MYO16: variants seen among roughly 807,000 people sequenced by gnomAD.
MYO16 encodes unconventional myosin-XVI.
MYO16 carries 94 observed loss-of-function variants against 205.3 expected under a neutral mutation model. The observed-to-expected ratio is 0.46, with a 90% CI of 0.39 to 0.54. The LOEUF (loss-of-function observed/expected upper bound fraction) is 0.54, where lower values mean the gene tolerates loss of function less well. Ranked by LOEUF, MYO16 falls within the 20% of genes least tolerant of loss-of-function variation. MYO16 has a pLI of 0.00. For missense variants in MYO16, 2,315 were observed against 2,387.5 expected (o/e 0.97, Z 0.63); for synonymous variants, 988 against 954.0 (o/e 1.04, Z -0.66).
intron 27 of MYO16, among the ~76,000 whole-genome samples, chr13:109,072,125 T>G (rs546458961): frequency 3.9e-5 from 6 of 152,328 alleles, no homozygotes; most frequent in African/African-American, 1.4e-4. Flanking sequence ...GCTTCTGTGC[T>G]CTAGCTGTGT....
the MYO16 span, among the ~76,000 whole-genome samples, chr13:108,590,469 T>C: frequency 2.6e-5 from 4 of 152,196 alleles, no homozygotes; most frequent in Non-Finnish European, 5.9e-5. Context: ...ACATTTTGTG[T>C]TGAACTGTGT....
intron 17 of MYO16, among the ~76,000 whole-genome samples, chr13:108,958,266 T>C (rs1361786157): frequency 2.7e-5 from 4 of 148,874 alleles, no homozygotes; most frequent in African/African-American, 9.8e-5. Flanking sequence ...ATATATATTT[T>C]ATATATGTAT....
At chr13:108,726,567 AAAAAAG>A (rs3041980) in intron 3 of MYO16, among the ~76,000 whole-genome samples, 66,181 of 150,090 alleles carry the variant, frequency 0.44, 15,313 homozygotes, top group Non-Finnish European at 0.54. Flanking sequence ...CAAAAAAAAA[AAAAAAG>A]AAAAAGAAAA....
At chr13:108,519,672 G>GA in the MYO16 span, among the ~76,000 whole-genome samples, 9 of 139,236 alleles carry the variant, frequency 6.5e-5, no homozygotes, top group African/African-American at 2.7e-4. Context: ...CACCCCACCA[G>GA]AAAAAAATCA....
intron 34 of MYO16, among the ~76,000 whole-genome samples, chr13:109,188,880 G>A (rs1879795236): frequency 6.6e-6 from 1 of 152,116 alleles, no homozygotes; most frequent in Admixed American, 6.5e-5. Context: ...GATCACCTGA[G>A]GTCAGGAGTT....
At chr13:108,617,772 G>C (rs189030106) in intron 1 of MYO16, among the ~76,000 whole-genome samples, 3 of 152,256 alleles carry the variant, frequency 2.0e-5, no homozygotes, top group African/African-American at 7.2e-5. Flanking sequence ...TGGTTTTACA[G>C]GGAGCCAAGG....
At chr13:109,021,750 G>A (rs1304238526) in intron 23 of MYO16, among the ~76,000 whole-genome samples, 1 of 152,064 alleles carries the variant, frequency 6.6e-6, no homozygotes, top group Non-Finnish European at 1.5e-5. Flanking sequence ...ATTGGGTGGG[G>A]CCAAATCATG....
intron 27 of MYO16, among the ~76,000 whole-genome samples, chr13:109,065,762 G>A (rs1231092976): frequency 6.6e-6 from 1 of 152,112 alleles, no homozygotes; most frequent in African/African-American, 2.4e-5. Flanking sequence ...GGCTTATGAG[G>A]AACAAACATC....
chr13:109,196,463 A>T (rs571152886), intron 34 of MYO16, among the ~76,000 whole-genome samples: 2 of 152,322 alleles, frequency 1.3e-5, no homozygotes, highest in South Asian at 2.1e-4. Flanking sequence ...ATGATCATTT[A>T]TATATCTGTT....
the MYO16 span, among the ~76,000 whole-genome samples, chr13:108,529,103 A>G: frequency 6.6e-6 from 1 of 152,296 alleles, no homozygotes; most frequent in East Asian, 1.9e-4. Flanking sequence ...ACTTGGAATA[A>G]TCTCCTGCCT....
chr13:108,742,054 A>G (rs547455706), intron 4 of MYO16, among the ~76,000 whole-genome samples: 2 of 152,282 alleles, frequency 1.3e-5, no homozygotes, highest in East Asian at 3.9e-4. Context: ...GTGCAGTAGC[A>G]TGATCTTGGC....
chr13:108,775,011 G>A (rs903720467), intron 4 of MYO16, among the ~76,000 whole-genome samples: 10 of 152,150 alleles, frequency 6.6e-5, no homozygotes, highest in African/African-American at 2.4e-4. Context: ...GTATTATGAA[G>A]TAAGTTTAGG....
chr13:108,827,397 ATTTAGTAAGGTT>A (rs1876334670), intron 9 of MYO16, among the ~76,000 whole-genome samples: 1 of 152,176 alleles, frequency 6.6e-6, no homozygotes, highest in Non-Finnish European at 1.5e-5. Flanking sequence ...GTAAATCATG[ATTTAGTAAGGTT>A]AAGGACATCA....
At chr13:108,594,706 C>A (rs1878494668), upstream of MYO16, among the ~76,000 whole-genome samples, 1 of 152,210 alleles carries the variant, frequency 6.6e-6, no homozygotes, top group Non-Finnish European at 1.5e-5. Context: ...TCCTTTGTTG[C>A]AATTCCTGGA....
chr13:108,770,658 A>G (rs987110701), intron 4 of MYO16, among the ~76,000 whole-genome samples: 1 of 152,214 alleles, frequency 6.6e-6, no homozygotes, highest in African/African-American at 2.4e-5. Flanking sequence ...CACTGAGGAA[A>G]TAATGTATTT....
At chr13:108,811,962 T>G (rs907326677) in intron 7 of MYO16, among the ~76,000 whole-genome samples, 1 of 152,196 alleles carries the variant, frequency 6.6e-6, no homozygotes, top group African/African-American at 2.4e-5. Flanking sequence ...TTAGCACCAT[T>G]TATAAGTCCC....
chr13:108,983,677 C>T (rs1594446031), intron 20 of MYO16, among the ~76,000 whole-genome samples: 1 of 152,132 alleles, frequency 6.6e-6, no homozygotes, highest in Non-Finnish European at 1.5e-5. Context: ...GTGAAGATGA[C>T]CTCTCCCAGC....
chr13:108,586,614 GT>G, the MYO16 span, among the ~76,000 whole-genome samples: 2 of 152,312 alleles, frequency 1.3e-5, no homozygotes, highest in African/African-American at 4.8e-5. Context: ...TCCATTCAAG[GT>G]AATCCTTTTA....
At chr13:108,855,392 A>C (rs776503337) in intron 10 of MYO16, 51 bp from the exon 11 acceptor site, 3 of 1,145,346 alleles carry the variant, frequency 2.6e-6, no homozygotes, top group Non-Finnish European at 3.7e-6. Context: ...ACTGTGAAGA[A>C]AGTTGATTGG....
Sources: gnomAD v4.1 joint callset for allele counts (sites outside exome capture counted in the v4.1 genomes callset) on GRCh38, gnomAD v4.1.1 for gene constraint, MANE v1.5 for transcripts, NCBI Gene and HGNC (gene_info 2026-07-23, HGNC 2026-07-21) for gene names.